The following ZMYM5 variants were observed in gnomAD, a reference collection of about 807,000 sequenced individuals.
The protein encoded by ZMYM5 is zinc finger MYM-type protein 5.
Under a neutral mutation model 61.8 loss-of-function variants are expected in ZMYM5, and 41 were observed. That is an observed-to-expected ratio of 0.66 (90% confidence interval 0.52 to 0.86). ZMYM5 has a LOEUF of 0.86. ZMYM5 is among the 40% of genes least tolerant of loss of function. The probability of loss-of-function intolerance (pLI) is 0.00; values close to 1 mark genes in which losing one functional copy is unlikely to be tolerated. For synonymous variants in ZMYM5, 257 were observed against 276.4 expected, an observed-to-expected ratio of 0.93 and a Z score of 0.70; for missense variants, 706 against 786.7, an observed-to-expected ratio of 0.90 and a Z score of 1.23.
rs749547903 is a variant in ZMYM5, at chr13:19,851,819, T to G, written c.362A>C (p.Asp121Ala). 3.1e-6 allele frequency: 5 copies of G among 1,613,028 alleles called. No homozygotes were observed. The highest frequency in any genetic ancestry group is 4.2e-6 in the Non-Finnish European group (5 of 1,179,814). ...GNISETIVID[D>A]EEDIETNGGA... ...TCCATTTGTTTCTATGTCCTCTTCATCATCAATAACAATTGTCTCACTTAT... is the reference window on the plus strand; with the variant it reads ...TCCATTTGTTTCTATGTCCTCTTCAGCATCAATAACAATTGTCTCACTTAT... Residue 121 changes from aspartate (D) to alanine (A), a missense_variant, in exon 3 of 8, where the codon GAT (aspartate) becomes GCT (alanine). Asp to Ala is a moderately radical substitution (Grantham distance 126, BLOSUM62 -2). This residue lies in a region of ZMYM5 where 480 missense variants were observed against 461.7 expected (regional missense o/e 1.04). Transcript: ENST00000337963.
At chr13:19,830,700 A>G (rs1891161920) in intron 7 of ZMYM5, among the ~76,000 whole-genome samples, 1 of 151,520 alleles carries the variant, frequency 6.6e-6, no homozygotes, top group Non-Finnish European at 1.5e-5. Flanking sequence ...CACCTGGCTA[A>G]TTTTTTGTAG....
intron 6 of ZMYM5, 112 bp from the exon 7 acceptor site, chr13:19,835,801 A>C: frequency 5.4e-6 from 4 of 738,276 alleles, no homozygotes; most frequent in Non-Finnish European, 7.8e-6. Context: ...ATCATATCTC[A>C]GAGGAAGATA....
At chr13:19,832,924 G>C (rs924764792) in intron 7 of ZMYM5, among the ~76,000 whole-genome samples, 1 of 128,074 alleles carries the variant, frequency 7.8e-6, no homozygotes, top group African/African-American at 3.2e-5. Flanking sequence ...TGTAGAGATG[G>C]GGTCTTACTA....
At chr13:19,860,768 A>T (rs967403934) in intron 2 of ZMYM5, among the ~76,000 whole-genome samples, 2 of 151,896 alleles carry the variant, frequency 1.3e-5, no homozygotes, top group African/African-American at 4.8e-5. Context: ...AACTGCTGGA[A>T]ATTAAAAGCT....
At chr13:19,830,938 C>G (rs545542758) in intron 7 of ZMYM5, among the ~76,000 whole-genome samples, 82 of 149,444 alleles carry the variant, frequency 5.5e-4, no homozygotes, top group Non-Finnish European at 8.4e-4. Flanking sequence ...CTCCCAAGTT[C>G]TCGCCATTCT....
rs577741920 is a variant in ZMYM5 at position 19,824,929 on chromosome 13, C to A, written c.1558G>T (p.Ala520Ser). ...ATTCGGGGCCACGTACCTGGATCTG[C>A]GGAAAGCACAACTGGTACAATGGAG... The part of the protein sequence containing the change: ...EDSIVPVVLS[A>S]DPGTWPRILN... The change falls in exon 8 of 8, where the codon GCA (alanine) becomes TCA (serine). Residue 520 changes from alanine to serine, a missense_variant. Ala to Ser is a moderately conservative substitution (Grantham distance 99). Around this residue, in one of 2 missense-constraint regions of ZMYM5, gnomAD observed 226 missense variants for 325.0 expected, o/e 0.70. Transcript: ENST00000337963. The A allele has an allele frequency of 7.3e-7, 1 of 1,362,732 alleles. No homozygotes were observed. Among genetic ancestry groups the A allele is most frequent in the East Asian group, 4.6e-5 (1 of 21,936 alleles). 84.4% of individuals were successfully genotyped at this position (1,362,732 alleles called of 1,614,324 possible). A position where few individuals can be genotyped will look rare whatever the true frequency, so the allele number is the denominator to read the frequency against.
intron 4 of ZMYM5, among the ~76,000 whole-genome samples, chr13:19,846,339 A>G (rs887552231): frequency 2.6e-5 from 4 of 152,148 alleles, no homozygotes; most frequent in Non-Finnish European, 5.9e-5. Context: ...TGAACTAGCC[A>G]TTTTTCATGG....
At chr13:19,826,930 A>T (rs1417648985) in intron 7 of ZMYM5, among the ~76,000 whole-genome samples, 1 of 152,196 alleles carries the variant, frequency 6.6e-6, no homozygotes, top group Non-Finnish European at 1.5e-5. Flanking sequence ...TGAAGTTCTG[A>T]TGTATGCTAC....
intron 2 of ZMYM5, among the ~76,000 whole-genome samples, chr13:19,854,098 C>T (rs957768752): frequency 1.3e-5 from 2 of 152,190 alleles, no homozygotes; most frequent in African/African-American, 4.8e-5. Flanking sequence ...CAACCTCCGC[C>T]TCCTGGGTTC....
chr13:19,860,448 ATGTGTGTGTG>A (rs1205444485), intron 2 of ZMYM5, among the ~76,000 whole-genome samples: 3 of 141,444 alleles, frequency 2.1e-5, no homozygotes, highest in African/African-American at 5.3e-5. Flanking sequence ...GTGTGTGTGT[ATGTGTGTGTG>A]TGTGTGTGTG....
At chr13:19,835,143 A>G (rs1266163424) in intron 7 of ZMYM5, among the ~76,000 whole-genome samples, 1 of 152,112 alleles carries the variant, frequency 6.6e-6, no homozygotes, top group Non-Finnish European at 1.5e-5. Context: ...GGCACATGCC[A>G]TCATGCCTGC....
intron 4 of ZMYM5, 91 bp from the exon 5 acceptor site, chr13:19,839,076 A>T: frequency 6.7e-7 from 1 of 1,486,952 alleles, no homozygotes; most frequent in Non-Finnish European, 9.1e-7. Context: ...TTTAAGAGAC[A>T]AGTGGGGCAG....
At chr13:19,826,018 C>T (rs536328616) in intron 7 of ZMYM5, among the ~76,000 whole-genome samples, 10 of 144,990 alleles carry the variant, frequency 6.9e-5, no homozygotes, top group Non-Finnish European at 1.0e-4. Flanking sequence ...TGTACTCCAG[C>T]CTGGGCAACA....
At chr13:19,838,365 G>A (rs907914694) in intron 5 of ZMYM5, among the ~76,000 whole-genome samples, 1 of 152,176 alleles carries the variant, frequency 6.6e-6, no homozygotes, top group African/African-American at 2.4e-5. Context: ...GCAACAGAGT[G>A]AGACTCCGTC....
chr13:19,825,997 G>C (rs1328275939), intron 7 of ZMYM5, among the ~76,000 whole-genome samples: 1 of 146,890 alleles, frequency 6.8e-6, no homozygotes, highest in African/African-American at 2.5e-5. Context: ...AGTGAGCTGA[G>C]ATCATGCCAT....
Position 19,835,660 on chromosome 13 carries a change from T to TA in ZMYM5, c.1067dup (p.Thr357AsnfsTer3). The TA allele has an allele frequency of 7.3e-7, 1 of 1,367,606 alleles. No homozygotes were observed. The highest frequency in any genetic ancestry group is 1.5e-5 in the African/African-American group (1 of 67,872). 84.7% of individuals were successfully genotyped at this position (1,367,606 alleles called of 1,614,324 possible). A position where few individuals can be genotyped will look rare whatever the true frequency, so the allele number is the denominator to read the frequency against. On this transcript the variant is annotated frameshift_variant, in exon 7 of 8. Coordinates refer to ENST00000337963, the MANE Select transcript of ZMYM5 (RefSeq NM_001142684.2). LOFTEE classifies it high-confidence loss of function. ...AATGGTTACTGCACAGTTTATGTGT[T>TA]ACATTATTTACGCTGACTTCATGGC...
chr13:19,852,292 G>T, intron 2 of ZMYM5, 102 bp from the exon 3 acceptor site: 1 of 1,227,618 alleles, frequency 8.1e-7, no homozygotes, highest in Non-Finnish European at 1.1e-6. Flanking sequence ...TATTTTTTGT[G>T]ATACCTGATA....
At chr13:19,863,099 G>C (rs1157957640) in intron 1 of ZMYM5, among the ~76,000 whole-genome samples, 4 of 152,170 alleles carry the variant, frequency 2.6e-5, no homozygotes, top group Non-Finnish European at 4.4e-5. Flanking sequence ...AGACCCGGCC[G>C]GGGCGCCCCT....
rs146664138 is a variant in ZMYM5, at chr13:19,856,268, T to C, written c.-10-4078A>G. Among the ~76,000 whole-genome samples, 286 of 152,290 alleles carry C rather than the reference T, an allele frequency of 1.9e-3. 4 individuals carry two copies. Among genetic ancestry groups the C allele is most frequent in the East Asian group, 9.1e-3 (47 of 5,190 alleles). Reference sequence around the variant, plus strand: ...CTAAACTGTGAACAGGGATAACATATAGCTTTAAGCTTTTTAATGAGGTGA... The same window carrying C: ...CTAAACTGTGAACAGGGATAACATACAGCTTTAAGCTTTTTAATGAGGTGA... On this transcript the variant is annotated intron_variant, in intron 2 of 7. Transcript: ENST00000337963.
Sources: gnomAD v4.1 joint callset for allele counts (sites outside exome capture counted in the v4.1 genomes callset) on GRCh38, gnomAD v4.1.1 for gene constraint, gnomAD v4.1.1 regional missense constraint, MANE v1.5 for transcripts, NCBI Gene and HGNC (gene_info 2026-07-23, HGNC 2026-07-21) for gene names.